FAM120C: variants seen among roughly 807,000 people sequenced by gnomAD.
FAM120C encodes the protein family with sequence similarity 120 member C, also known as constitutive coactivator of PPAR-gamma-like protein 2.
In FAM120C, 14 loss-of-function variants were observed where a neutral mutation model predicts 71.2. That is an observed-to-expected ratio of 0.20 (90% CI 0.13 to 0.31). FAM120C has a LOEUF of 0.31. Ranked by LOEUF, FAM120C falls within the 10% of genes least tolerant of loss-of-function variation. FAM120C has a pLI of 1.00. For synonymous variants in FAM120C, 354 were observed against 353.2 expected (o/e 1.00, Z -0.03); for missense variants, 500 against 879.0 (o/e 0.57, Z 5.45).
At chrX:54,094,101 T>C (rs1186925096) in intron 10 of FAM120C, among the ~76,000 whole-genome samples, 1 of 94,604 alleles carries the variant, frequency 1.1e-5, no homozygotes, top group Non-Finnish European at 2.1e-5. Flanking sequence ...TTTTTTTTTT[T>C]TTTTTCTGAG....
intron 4 of FAM120C, among the ~76,000 whole-genome samples, chrX:54,142,542 G>C (rs1403390727): frequency 8.9e-6 from 1 of 111,999 alleles, no homozygotes; most frequent in Non-Finnish European, 1.9e-5. Flanking sequence ...GGCTGGGGGA[G>C]GGGCGTCCGC....
rs782105739 is a variant in FAM120C, at chrX:54,134,991, T to C, written c.1456A>G (p.Met486Val). 2 of 1,211,565 alleles carry C rather than the reference T, an allele frequency of 1.7e-6. No individual in the cohort carries two copies. The highest frequency in any genetic ancestry group is 1.1e-6 in the Non-Finnish European group (1 of 895,488). The change falls in exon 7 of 16, where the codon ATG (methionine) becomes GTG (valine). Residue 486 changes from methionine (M) to valine (V), a missense_variant. Around this residue, in one of 11 missense-constraint regions of FAM120C, gnomAD observed 85 missense variants for 84.9 expected, o/e 1.00. Transcript: ENST00000375180. ...GESHAFSEDP[M>V]LQNSPFANWA... is the part of the protein sequence containing the mutation. ...TTGGCAAAGGGGCTGTTCTGCAGCA[T>C]GGGATCCTCAGAAAAAGCATGGGAT...
At chrX:54,105,381 A>T (rs1207240094) in intron 10 of FAM120C, among the ~76,000 whole-genome samples, 1 of 111,779 alleles carries the variant, frequency 8.9e-6, no homozygotes, top group East Asian at 2.8e-4. Flanking sequence ...AAAACTCTCA[A>T]TAAACTAGGT....
intron 1 of FAM120C, chrX:54,173,762 T>G (rs1313965357): frequency 6.2e-6 from 1 of 162,196 alleles, no homozygotes; most frequent in Non-Finnish European, 1.2e-5. Context: ...TCAAAAATAT[T>G]ATTTAAAAAG....
chrX:54,098,854 C>T (rs782411303), intron 10 of FAM120C, among the ~76,000 whole-genome samples: 2 of 110,476 alleles, frequency 1.8e-5, no homozygotes, highest in South Asian at 7.7e-4. Context: ...CTCCTGACCT[C>T]GTGATCTGCC....
At chrX:54,163,251 C>T (rs782601099) in intron 1 of FAM120C, among the ~76,000 whole-genome samples, 1 of 111,847 alleles carries the variant, frequency 8.9e-6, no homozygotes, top group African/African-American at 3.2e-5. Context: ...CTCATAATAG[C>T]CCAAAAGTGG....
intron 1 of FAM120C, among the ~76,000 whole-genome samples, chrX:54,162,786 T>C (rs782584130): frequency 2.7e-5 from 3 of 111,762 alleles, no homozygotes; most frequent in Non-Finnish European, 5.6e-5. Context: ...TCACATCCAC[T>C]AACCTTGCAA....
At chrX:54,108,920 A>T (rs1603354578) in intron 10 of FAM120C, among the ~76,000 whole-genome samples, 1 of 54,836 alleles carries the variant, frequency 1.8e-5, no homozygotes. Flanking sequence ...GGTGACAGAG[A>T]CTCTGTCTCC....
chrX:54,068,971 T>C lies in FAM120C; in HGVS notation c.*4062A>G, dbSNP rs1396124070. 8.9e-6 allele frequency: 1 copy of C among 111,968 alleles called. No individual in the cohort carries two copies. The highest frequency in any genetic ancestry group is 3.2e-5 in the African/African-American group (1 of 30,838). The allele number at this position is 111,968 out of a possible 1,213,427, so 9.2% of individuals were successfully genotyped here. The stretch of plus-strand genomic sequence containing the variant: ...CTTCATTTACATGAAAATTCACTAG[T>C]CATTAGTTACTACCAACACGGACAA... On this transcript the variant is annotated 3_prime_UTR_variant, in exon 16 of 16. Coordinates refer to ENST00000375180, the MANE Select transcript of FAM120C (RefSeq NM_017848.6).
chrX:54,102,038 C>A (rs1241861745), intron 10 of FAM120C, among the ~76,000 whole-genome samples: 1 of 102,731 alleles, frequency 9.7e-6, no homozygotes, highest in Non-Finnish European at 2.0e-5. Context: ...TTTGTTTGTT[C>A]TTTTTTTTTT....
At chrX:54,126,778 G>T (rs1171754594) in intron 9 of FAM120C, among the ~76,000 whole-genome samples, 1 of 113,239 alleles carries the variant, frequency 8.8e-6, no homozygotes, top group Non-Finnish European at 1.9e-5. Flanking sequence ...TTACAACAAT[G>T]GAATAAACCC....
chrX:54,078,567 A>G (rs937587476), intron 15 of FAM120C, among the ~76,000 whole-genome samples: 1 of 111,618 alleles, frequency 9.0e-6, no homozygotes, highest in Admixed American at 9.6e-5. Flanking sequence ...GAAACATTAG[A>G]TGATGGGGAT....
At chrX:54,093,867 G>C (rs1456909639) in intron 10 of FAM120C, among the ~76,000 whole-genome samples, 7 of 111,547 alleles carry the variant, frequency 6.3e-5, no homozygotes, top group South Asian at 3.7e-4. Flanking sequence ...AATGATGACA[G>C]CTTTATTATT....
intron 11 of FAM120C, among the ~76,000 whole-genome samples, chrX:54,089,781 G>C (rs987081427): frequency 1.8e-5 from 2 of 110,356 alleles, no homozygotes; most frequent in African/African-American, 6.6e-5. Flanking sequence ...GACCAACAGA[G>C]AAACCCCGTC....
chrX:54,075,419 A>G (rs1557120491), intron 15 of FAM120C, among the ~76,000 whole-genome samples: 1 of 112,041 alleles, frequency 8.9e-6, no homozygotes, highest in African/African-American at 3.2e-5. Flanking sequence ...ACATGAAACA[A>G]GTAACAGCCA....
intron 10 of FAM120C, among the ~76,000 whole-genome samples, chrX:54,115,175 C>T (rs1557126463): frequency 8.9e-6 from 1 of 112,322 alleles, no homozygotes; most frequent in African/African-American, 3.2e-5. Context: ...TGCATGCACA[C>T]TCAAATATAG....
At position 54,169,435 on chromosome X, in the gene FAM120C, C is replaced by T. The variant is rs1439811388; in HGVS notation, c.700-9819G>A. ...AAAAAAAATAACTAGATTGTAAGCC[C>T]ATTAGTGGCAGAATTATGTTAGCAC... On this transcript the variant is annotated intron_variant, in intron 1 of 15. Coordinates refer to ENST00000375180, the MANE Select transcript of FAM120C (RefSeq NM_017848.6). Among the ~76,000 whole-genome samples, 3 of 111,811 alleles carry T rather than the reference C, an allele frequency of 2.7e-5. No homozygotes were observed. In the Admixed American group the frequency reaches 2.8e-4, roughly 11 times the overall value.
intron 10 of FAM120C, among the ~76,000 whole-genome samples, chrX:54,111,921 G>A (rs1158456681): frequency 8.9e-6 from 1 of 111,964 alleles, no homozygotes; most frequent in African/African-American, 3.2e-5. Context: ...GCATGGTAGT[G>A]GCATAAAAAT....
chrX:54,126,144 G>A, intron 9 of FAM120C, among the ~76,000 whole-genome samples: 1 of 111,830 alleles, frequency 8.9e-6, no homozygotes, highest in Non-Finnish European at 1.9e-5. Context: ...CTGACTATAT[G>A]CCATCTGCAA....
Sources: gnomAD v4.1 joint callset for allele counts (sites outside exome capture counted in the v4.1 genomes callset) on GRCh38, gnomAD v4.1.1 for gene constraint, gnomAD v4.1.1 regional missense constraint, MANE v1.5 for transcripts, NCBI Gene and HGNC (gene_info 2026-07-23, HGNC 2026-07-21) for gene names.